The following PRKG1 variants were observed in gnomAD, a reference collection of about 807,000 sequenced individuals.
PRKG1 encodes cGMP-dependent protein kinase 1.
Under a neutral mutation model 88.1 loss-of-function variants are expected in PRKG1, and 35 were observed. The observed-to-expected ratio is 0.40, with a 90% CI of 0.30 to 0.53. The LOEUF (loss-of-function observed/expected upper bound fraction) is 0.53, where lower values mean the gene tolerates loss of function less well. PRKG1 is among the 20% of genes least tolerant of loss of function. The probability of loss-of-function intolerance (pLI) is 0.59; values close to 1 mark genes in which losing one functional copy is unlikely to be tolerated. For missense variants in PRKG1, 540 were observed against 839.8 expected, an observed-to-expected ratio of 0.64 and a Z score of 4.41; for synonymous variants, 303 against 292.5, an observed-to-expected ratio of 1.04 and a Z score of -0.37.
intron 5 of PRKG1, among the ~76,000 whole-genome samples, chr10:52,038,098 T>C (rs1393659096): frequency 2.0e-5 from 3 of 152,068 alleles, no homozygotes. Context: ...GGAACTACTG[T>C]CGAGTTTGTA....
intron 3 of PRKG1, among the ~76,000 whole-genome samples, chr10:51,760,052 A>G (rs763424166): frequency 6.6e-6 from 1 of 152,204 alleles, no homozygotes; most frequent in Non-Finnish European, 1.5e-5. Context: ...AGCCCATTAT[A>G]TCTTACTTCA....
chr10:52,213,180 T>A (rs1470170321), intron 9 of PRKG1, among the ~76,000 whole-genome samples: 3 of 151,568 alleles, frequency 2.0e-5, no homozygotes, highest in Non-Finnish European at 4.4e-5. Context: ...ATAAAAAAAA[T>A]AAAAATAAAA....
intron 3 of PRKG1, among the ~76,000 whole-genome samples, chr10:51,536,445 G>A (rs769704291): frequency 1.3e-5 from 2 of 152,046 alleles, no homozygotes; most frequent in Non-Finnish European, 2.9e-5. Flanking sequence ...AGCTTTGTTT[G>A]AGGCATGGTT....
intron 5 of PRKG1, among the ~76,000 whole-genome samples, chr10:51,911,976 G>A (rs1842227416): frequency 1.3e-5 from 2 of 152,194 alleles, no homozygotes; most frequent in Non-Finnish European, 2.9e-5. Context: ...GGAGATTCAG[G>A]ACTGCGCTCT....
chr10:51,652,594 T>A (rs983564844), intron 3 of PRKG1, among the ~76,000 whole-genome samples: 2 of 152,198 alleles, frequency 1.3e-5, no homozygotes, highest in Non-Finnish European at 1.5e-5. Flanking sequence ...TTGGCCTTTT[T>A]AATTTTTAAA....
intron 2 of PRKG1, among the ~76,000 whole-genome samples, chr10:51,451,558 A>G (rs1476600791): frequency 6.6e-6 from 1 of 151,924 alleles, no homozygotes; most frequent in Non-Finnish European, 1.5e-5. Flanking sequence ...ATAGCTAGCA[A>G]TATGAATTTG....
intron 3 of PRKG1, among the ~76,000 whole-genome samples, chr10:51,774,197 A>G (rs1044044632): frequency 6.6e-6 from 1 of 152,116 alleles, no homozygotes; most frequent in African/African-American, 2.4e-5. Flanking sequence ...AGGGCCAGTA[A>G]GTAGCCAATT....
At chr10:52,100,252 T>C (rs556516856) in intron 7 of PRKG1, among the ~76,000 whole-genome samples, 1 of 152,322 alleles carries the variant, frequency 6.6e-6, no homozygotes, top group African/African-American at 2.4e-5. Flanking sequence ...ATAATTGATT[T>C]TGTTTTAATG....
At chr10:51,953,276 A>G (rs886334666) in intron 5 of PRKG1, among the ~76,000 whole-genome samples, 4 of 152,130 alleles carry the variant, frequency 2.6e-5, no homozygotes, top group Non-Finnish European at 5.9e-5. Flanking sequence ...GCCCCCCAAA[A>G]TCTCACACAC....
At chr10:51,177,273 C>A (rs77981933) in intron 2 of PRKG1, among the ~76,000 whole-genome samples, 205 of 152,230 alleles carry the variant, frequency 1.3e-3, no homozygotes, top group African/African-American at 4.7e-3. Flanking sequence ...AATGGAAATG[C>A]AGTGGTTTGA....
At chr10:51,149,507 G>A (rs1846014712) in intron 1 of PRKG1, among the ~76,000 whole-genome samples, 1 of 151,898 alleles carries the variant, frequency 6.6e-6, no homozygotes, top group Admixed American at 6.6e-5. Context: ...TAAGTAAATG[G>A]GGAAATGGAT....
At chr10:51,438,858 C>A (rs1423804611) in intron 2 of PRKG1, among the ~76,000 whole-genome samples, 3 of 151,820 alleles carry the variant, frequency 2.0e-5, no homozygotes, top group Non-Finnish European at 4.4e-5. Flanking sequence ...TGTGGAGCTG[C>A]AAATTGTACA....
intron 2 of PRKG1, among the ~76,000 whole-genome samples, chr10:51,175,279 T>G (rs1837160441): frequency 6.6e-6 from 1 of 151,954 alleles, no homozygotes; most frequent in African/African-American, 2.4e-5. Context: ...GTTCTTTAAT[T>G]GATTTCCTCC....
Position 51,954,043 on chromosome 10 carries a change from C to A in PRKG1, c.762+46473C>A, listed in dbSNP as rs185534738. Among the ~76,000 whole-genome samples the A allele has an allele frequency of 8.5e-5, 13 of 152,094 alleles. 1 individual carries two copies. In the East Asian group the frequency reaches 2.5e-3, roughly 29 times the overall value. On this transcript the variant is annotated intron_variant, in intron 5 of 17. Coordinates refer to ENST00000373980, the MANE Select transcript of PRKG1 (RefSeq NM_006258.4). ...TTTACTAATGAATTATTGTTACAAC[C>A]AGACCTATTTTTCTATCAAGAAGTC...
intron 2 of PRKG1, among the ~76,000 whole-genome samples, chr10:51,199,143 A>C (rs1837848222): frequency 6.6e-6 from 1 of 152,240 alleles, no homozygotes; most frequent in South Asian, 2.1e-4. Flanking sequence ...CATAGAACCA[A>C]TTAGCCAAAT....
At chr10:51,873,652 C>G (rs1390839784) in intron 4 of PRKG1, among the ~76,000 whole-genome samples, 1 of 151,792 alleles carries the variant, frequency 6.6e-6, no homozygotes, top group African/African-American at 2.4e-5. Context: ...CTCAGCCTCC[C>G]AAGTAGTTGG....
chr10:51,531,794 G>A (rs573590292), intron 3 of PRKG1, among the ~76,000 whole-genome samples: 28 of 151,480 alleles, frequency 1.8e-4, no homozygotes, highest in Non-Finnish European at 2.8e-4. Context: ...ACAGGCTCCC[G>A]ACACTGTGCC....
chr10:51,703,163 C>T (rs1841515615), intron 3 of PRKG1, among the ~76,000 whole-genome samples: 1 of 152,142 alleles, frequency 6.6e-6, no homozygotes, highest in Non-Finnish European at 1.5e-5. Flanking sequence ...AAATATCATG[C>T]TTAGCTAATT....
At chr10:52,185,769 C>T (rs985972419) in intron 9 of PRKG1, among the ~76,000 whole-genome samples, 1 of 152,234 alleles carries the variant, frequency 6.6e-6, no homozygotes, top group African/African-American at 2.4e-5. Context: ...GCTGACTTTA[C>T]ACCACAGGGA....
Sources: gnomAD v4.1 joint callset for allele counts (sites outside exome capture counted in the v4.1 genomes callset) on GRCh38, gnomAD v4.1.1 for gene constraint, MANE v1.5 for transcripts, NCBI Gene and HGNC (gene_info 2026-07-23, HGNC 2026-07-21) for gene names.